The following SORCS1 variants were observed in gnomAD, a reference collection of about 807,000 sequenced individuals.
The protein encoded by SORCS1 is sortilin related VPS10 domain containing receptor 1.
In SORCS1, 60 loss-of-function variants were observed where a neutral mutation model predicts 146.1. The ratio of observed to expected loss-of-function variants is 0.41; its 90% confidence interval spans 0.33 to 0.51. The LOEUF is 0.51. Ranked by LOEUF, SORCS1 falls within the 20% of genes least tolerant of loss-of-function variation. The probability of loss-of-function intolerance (pLI) is 0.21; values close to 1 mark genes in which losing one functional copy is unlikely to be tolerated. For synonymous variants in SORCS1, 637 were observed against 584.0 expected, an observed-to-expected ratio of 1.09 and a Z score of -1.31; for missense variants, 1,352 against 1,487.6, an observed-to-expected ratio of 0.91 and a Z score of 1.50.
chr10:106,965,607 T>A (rs1265458013), intron 1 of SORCS1, among the ~76,000 whole-genome samples: 2 of 152,222 alleles, frequency 1.3e-5, no homozygotes, highest in Non-Finnish European at 2.9e-5. Flanking sequence ...TTTATGATGA[T>A]GAAATTGAGC....
intron 10 of SORCS1, among the ~76,000 whole-genome samples, chr10:106,682,892 C>T (rs1852547647): frequency 6.6e-6 from 1 of 152,188 alleles, no homozygotes; most frequent in Non-Finnish European, 1.5e-5. Flanking sequence ...CAGCAGCTGA[C>T]CTACAGAGGA....
intron 1 of SORCS1, among the ~76,000 whole-genome samples, chr10:106,982,239 A>T (rs1389195000): frequency 1.3e-5 from 2 of 152,212 alleles, no homozygotes; most frequent in African/African-American, 4.8e-5. Context: ...CCAAGACTTG[A>T]TGCCTATGAT....
chr10:106,812,402 C>G (rs971750497), intron 3 of SORCS1, among the ~76,000 whole-genome samples: 2 of 152,182 alleles, frequency 1.3e-5, no homozygotes, highest in Admixed American at 1.3e-4. Context: ...ATTATAATCA[C>G]TGATTTGAGA....
chr10:106,904,511 G>T (rs1169150244), intron 2 of SORCS1, among the ~76,000 whole-genome samples: 1 of 152,180 alleles, frequency 6.6e-6, no homozygotes, highest in East Asian at 1.9e-4. Flanking sequence ...GGATTGTAGA[G>T]GATTGTTGAG....
At chr10:107,020,526 G>A (rs935497783) in intron 1 of SORCS1, among the ~76,000 whole-genome samples, 10 of 152,226 alleles carry the variant, frequency 6.6e-5, no homozygotes, top group Admixed American at 2.0e-4. Context: ...ATTTATAGCT[G>A]TTTTTGTGGT....
At chr10:106,599,884 G>C (rs1414304510) in intron 23 of SORCS1, among the ~76,000 whole-genome samples, 2 of 151,754 alleles carry the variant, frequency 1.3e-5, no homozygotes, top group African/African-American at 4.8e-5. Context: ...TGATTCTCCT[G>C]CCTCAACCTC....
chr10:106,902,189 ATGCAT>A (rs1951736030), intron 2 of SORCS1, among the ~76,000 whole-genome samples: 1 of 152,160 alleles, frequency 6.6e-6, no homozygotes, highest in East Asian at 1.9e-4. Flanking sequence ...CTATTTGAAA[ATGCAT>A]TTGGCATTTT....
chr10:106,706,380 A>G (rs962070245), intron 8 of SORCS1, among the ~76,000 whole-genome samples, 165 bp downstream of exon 8: 3 of 152,104 alleles, frequency 2.0e-5, no homozygotes, highest in African/African-American at 7.2e-5. Flanking sequence ...GGGTAATAGG[A>G]CTGACCAAAG....
At chr10:106,578,628 A>G in intron 25 of SORCS1, 6 of 989,594 alleles carry the variant, frequency 6.1e-6, no homozygotes, top group Non-Finnish European at 6.0e-6. Context: ...TCACTTCTCT[A>G]CTGGTGTTCC....
At chr10:106,579,597 C>A in intron 24 of SORCS1, 123 bp from the exon 25 acceptor site, 2 of 923,460 alleles carry the variant, frequency 2.2e-6, no homozygotes, top group Non-Finnish European at 1.7e-6. Context: ...GGGATATACA[C>A]ACAAGATGCA....
chr10:106,927,743 G>A (rs1953137774), intron 2 of SORCS1, among the ~76,000 whole-genome samples: 1 of 152,186 alleles, frequency 6.6e-6, no homozygotes, highest in Non-Finnish European at 1.5e-5. Flanking sequence ...GTCCCCACCA[G>A]AGTAGCTAGA....
intron 3 of SORCS1, among the ~76,000 whole-genome samples, chr10:106,818,258 G>C (rs1947839182): frequency 6.6e-6 from 1 of 151,938 alleles, no homozygotes; most frequent in Admixed American, 6.6e-5. Flanking sequence ...TATTAATAAT[G>C]TCACCACTGC....
At chr10:106,917,460 T>A (rs932516945) in intron 2 of SORCS1, among the ~76,000 whole-genome samples, 3 of 152,162 alleles carry the variant, frequency 2.0e-5, no homozygotes, top group African/African-American at 7.2e-5. Context: ...GACATGATAT[T>A]TTTGCTTGTT....
intron 2 of SORCS1, among the ~76,000 whole-genome samples, chr10:106,904,266 A>G (rs1951827692): frequency 2.6e-5 from 4 of 152,350 alleles, no homozygotes; most frequent in South Asian, 4.1e-4. Context: ...CTTGGTCTAA[A>G]TGTTTATTTA....
intron 3 of SORCS1, among the ~76,000 whole-genome samples, chr10:106,812,099 C>A (rs1947489466): frequency 6.6e-6 from 1 of 152,128 alleles, no homozygotes. Flanking sequence ...CTCCCAGGTT[C>A]ATGCCATTCT....
chr10:106,709,109 C>T, intron 7 of SORCS1, 114 bp downstream of exon 7: 2 of 741,078 alleles, frequency 2.7e-6, no homozygotes, highest in Non-Finnish European at 2.3e-6. Context: ...TACCTCCTTC[C>T]CTCCCTCCCA....
At chr10:106,822,936 G>A (rs897836890) in intron 3 of SORCS1, among the ~76,000 whole-genome samples, 6 of 151,430 alleles carry the variant, frequency 4.0e-5, no homozygotes, top group African/African-American at 1.2e-4. Context: ...ACCTGCCACC[G>A]CACCCGGCTA....
At chr10:107,123,904 C>T (rs963488689) in intron 1 of SORCS1, among the ~76,000 whole-genome samples, 4 of 148,664 alleles carry the variant, frequency 2.7e-5, no homozygotes, top group African/African-American at 1.0e-4. Flanking sequence ...GGTGAAACCC[C>T]GTCTCTACTA....
At chr10:106,583,145 T>C (rs1845021411) in intron 24 of SORCS1, among the ~76,000 whole-genome samples, 1 of 152,382 alleles carries the variant, frequency 6.6e-6, no homozygotes, top group East Asian at 1.9e-4. Flanking sequence ...ATTTATAAAG[T>C]ACTGTCATAG....
Sources: gnomAD v4.1 joint callset for allele counts (sites outside exome capture counted in the v4.1 genomes callset) on GRCh38, gnomAD v4.1.1 for gene constraint, MANE v1.5 for transcripts, NCBI Gene and HGNC (gene_info 2026-07-23, HGNC 2026-07-21) for gene names.